Variants in XKR6 observed in about 807,000 individuals in gnomAD.
XKR6 encodes XK related 6.
XKR6 carries 22 observed loss-of-function variants against 56.7 expected under a neutral mutation model. The observed-to-expected ratio is 0.39, with a 90% CI of 0.28 to 0.55. The LOEUF (loss-of-function observed/expected upper bound fraction) is 0.55. Among genes scored for constraint, XKR6 ranks in the 20% least tolerant of loss-of-function variants. The pLI is 0.66. For missense variants in XKR6, 852 were observed against 889.0 expected, an observed-to-expected ratio of 0.96 and a Z score of 0.53; for synonymous variants, 524 against 387.8, an observed-to-expected ratio of 1.35 and a Z score of -4.13.
intron 1 of XKR6, among the ~76,000 whole-genome samples, chr8:10,949,574 AGACACTCGAG>A (rs1240614550): frequency 1.8e-4 from 28 of 152,376 alleles, no homozygotes; most frequent in African/African-American, 6.5e-4. Flanking sequence ...GCACGGAGCC[AGACACTCGAG>A]GCTAGCGGGG....
At position 11,183,972 on chromosome 8, in the gene XKR6, C is replaced by A. The variant is rs551818587; in HGVS notation, c.764+16604G>T. Reference sequence around the variant, plus strand: ...TCTGTAGTCTGGGCAATAATATCCCCCGGCTACAACAGATGATTCCACTGT... The same window carrying A: ...TCTGTAGTCTGGGCAATAATATCCCACGGCTACAACAGATGATTCCACTGT... On this transcript the variant is annotated intron_variant, in intron 1 of 2. Transcript: ENST00000416569. 4.6e-5 allele frequency among the ~76,000 whole-genome samples: 7 copies of A among 152,230 alleles called. No homozygotes were observed. In the South Asian group the frequency reaches 1.0e-3, roughly 23 times the overall value.
intron 1 of XKR6, among the ~76,000 whole-genome samples, chr8:11,080,612 A>G (rs1801703329): frequency 6.6e-6 from 1 of 152,248 alleles, no homozygotes; most frequent in African/African-American, 2.4e-5. Context: ...TGGCCTCCAA[A>G]GCCACCTTCA....
At chr8:11,166,029 C>A (rs1403272585) in intron 1 of XKR6, among the ~76,000 whole-genome samples, 1 of 150,394 alleles carries the variant, frequency 6.6e-6, no homozygotes, top group Admixed American at 6.6e-5. Flanking sequence ...GATCTCAGCT[C>A]ACTGCAACCT....
intron 1 of XKR6, among the ~76,000 whole-genome samples, chr8:11,080,266 C>T (rs533789539): frequency 3.9e-5 from 6 of 152,116 alleles, no homozygotes; most frequent in South Asian, 2.1e-4. Flanking sequence ...TTCAAGCAAA[C>T]GAACACAGAG....
At chr8:11,013,334 C>T (rs4401813) in intron 1 of XKR6, among the ~76,000 whole-genome samples, 16 of 152,252 alleles carry the variant, frequency 1.1e-4, no homozygotes, top group Admixed American at 2.6e-4. Context: ...AGAGGAGAGA[C>T]AGGAGGAAGG....
At chr8:10,986,884 G>T (rs1797875606) in intron 1 of XKR6, among the ~76,000 whole-genome samples, 1 of 151,560 alleles carries the variant, frequency 6.6e-6, no homozygotes, top group African/African-American at 2.4e-5. Context: ...CAAGCCTTCT[G>T]CCTCAGCCCC....
chr8:11,077,481 C>A (rs964668164), intron 1 of XKR6, among the ~76,000 whole-genome samples: 2 of 152,114 alleles, frequency 1.3e-5, no homozygotes, highest in African/African-American at 4.8e-5. Flanking sequence ...TTCCTCTCTA[C>A]ATGCAGCTCA....
chr8:11,195,939 T>C (rs962505112), intron 1 of XKR6, among the ~76,000 whole-genome samples: 1 of 149,170 alleles, frequency 6.7e-6, no homozygotes, highest in Non-Finnish European at 1.5e-5. Flanking sequence ...CAGAATTCCA[T>C]TAAGTTTATG....
intron 1 of XKR6, among the ~76,000 whole-genome samples, chr8:11,030,408 C>G (rs1295194358): frequency 6.6e-6 from 1 of 152,238 alleles, no homozygotes; most frequent in East Asian, 1.9e-4. Flanking sequence ...GCTGGTGTCT[C>G]TTGCTCACCA....
At chr8:11,037,617 T>C (rs937612368) in intron 1 of XKR6, among the ~76,000 whole-genome samples, 6 of 152,206 alleles carry the variant, frequency 3.9e-5, no homozygotes, top group Non-Finnish European at 7.4e-5. Context: ...CCCAGCACTT[T>C]GGGAAGCTGA....
intron 1 of XKR6, among the ~76,000 whole-genome samples, chr8:11,087,734 G>C (rs1015499880): frequency 2.0e-5 from 3 of 152,204 alleles, no homozygotes; most frequent in African/African-American, 7.2e-5. Context: ...CACATATCCA[G>C]CAACTTCCTG....
At chr8:11,011,153 A>G (rs895601705) in intron 1 of XKR6, among the ~76,000 whole-genome samples, 1 of 151,980 alleles carries the variant, frequency 6.6e-6, no homozygotes, top group Non-Finnish European at 1.5e-5. Flanking sequence ...CTCCAAACTC[A>G]TGCTCCTTTC....
chr8:11,006,182 G>C (rs898249184), intron 1 of XKR6, among the ~76,000 whole-genome samples: 2 of 152,138 alleles, frequency 1.3e-5, no homozygotes, highest in African/African-American at 2.4e-5. Flanking sequence ...AGAAAAATAA[G>C]AGATTAATTG....
intron 1 of XKR6, among the ~76,000 whole-genome samples, chr8:10,970,059 T>C (rs1411850812): frequency 6.6e-6 from 1 of 152,206 alleles, no homozygotes; most frequent in African/African-American, 2.4e-5. Flanking sequence ...GTGGCACTTG[T>C]GAACGATTTC....
intron 1 of XKR6, among the ~76,000 whole-genome samples, chr8:11,102,437 T>C (rs889981198): frequency 6.6e-6 from 1 of 152,224 alleles, no homozygotes; most frequent in African/African-American, 2.4e-5. Context: ...TGCACTGTGC[T>C]TCTCAAGTTC....
intron 2 of XKR6, among the ~76,000 whole-genome samples, chr8:10,899,567 C>A (rs537523347): frequency 6.6e-6 from 1 of 152,378 alleles, no homozygotes; most frequent in Admixed American, 6.5e-5. Flanking sequence ...CTCACCCACT[C>A]TGGTCTTTTC....
At chr8:10,899,413 G>A (rs553478130) in intron 2 of XKR6, among the ~76,000 whole-genome samples, 60 of 152,202 alleles carry the variant, frequency 3.9e-4, no homozygotes, top group Admixed American at 2.0e-3. Context: ...CTGGAATCAT[G>A]CTTCTGCCTT....
At chr8:11,138,970 A>G (rs1800541443) in intron 1 of XKR6, among the ~76,000 whole-genome samples, 1 of 152,128 alleles carries the variant, frequency 6.6e-6, no homozygotes, top group African/African-American at 2.4e-5. Context: ...AACAATATTC[A>G]TATTCACTAA....
At chr8:10,905,287 T>G (rs1690714302) in intron 2 of XKR6, among the ~76,000 whole-genome samples, 1 of 152,168 alleles carries the variant, frequency 6.6e-6, no homozygotes, top group African/African-American at 2.4e-5. Context: ...TCGTGCGGCA[T>G]TCGGAGGACT....
Sources: gnomAD v4.1 joint callset for allele counts (sites outside exome capture counted in the v4.1 genomes callset) on GRCh38, gnomAD v4.1.1 for gene constraint, MANE v1.5 for transcripts, NCBI Gene and HGNC (gene_info 2026-07-23, HGNC 2026-07-21) for gene names.